The following ANKRD36C variants were observed in gnomAD, a reference collection of about 807,000 sequenced individuals.
The protein encoded by ANKRD36C is ankyrin repeat domain 36C, also known as ankyrin repeat domain-containing protein 36C.
In ANKRD36C, 61 loss-of-function variants were observed where a neutral mutation model predicts 276.4. That is an observed-to-expected ratio of 0.22 (90% CI 0.18 to 0.27). ANKRD36C has a LOEUF of 0.27. Among genes scored for constraint, ANKRD36C ranks in the 10% least tolerant of loss-of-function variants. The pLI is 1.00. For missense variants in ANKRD36C, 1,447 were observed against 2,032.3 expected, an observed-to-expected ratio of 0.71 and a Z score of 5.54; for synonymous variants, 483 against 680.1, an observed-to-expected ratio of 0.71 and a Z score of 4.51.
At chr2:95,869,273 C>G (rs1403893438) in intron 59 of ANKRD36C, among the ~76,000 whole-genome samples, 1 of 151,864 alleles carries the variant, frequency 6.6e-6, no homozygotes, top group Non-Finnish European at 1.5e-5. Flanking sequence ...AAAACATAAA[C>G]CATGAAACTT....
At chr2:95,897,499 T>C (rs1275454165) in intron 44 of ANKRD36C, 34 bp from the exon 59 acceptor site, 2 of 1,521,028 alleles carry the variant, frequency 1.3e-6, no homozygotes, top group East Asian at 2.5e-5. Flanking sequence ...ATCACTCATA[T>C]GTAAAAATGA....
chr2:95,964,977 T>G (rs547362369), intron 6 of ANKRD36C, among the ~76,000 whole-genome samples: 2 of 151,834 alleles, frequency 1.3e-5, no homozygotes, highest in East Asian at 3.9e-4. Flanking sequence ...TGACACTGCC[T>G]CTCCTCAATG....
At chr2:95,913,328 T>C (rs1215905924) in intron 40 of ANKRD36C, among the ~76,000 whole-genome samples, 1 of 151,148 alleles carries the variant, frequency 6.6e-6, no homozygotes, top group Non-Finnish European at 1.5e-5. Flanking sequence ...AGAAGTTTCA[T>C]TAAATAGCTA....
At chr2:95,987,793 T>C (rs1046202564) in intron 1 of ANKRD36C, among the ~76,000 whole-genome samples, 54 of 152,162 alleles carry the variant, frequency 3.5e-4, no homozygotes, top group Admixed American at 1.1e-3. Context: ...GGCTAATTTT[T>C]ACAAAGACAT....
rs1049558531 is a variant in ANKRD36C, at chr2:95,909,951, G to A, written c.2653+2293C>T. 4.4e-4 allele frequency among the ~76,000 whole-genome samples: 67 copies of A among 150,948 alleles called. 1 individual carries two copies. Among genetic ancestry groups the A allele is most frequent in the Non-Finnish European group, 5.0e-4 (34 of 67,448 alleles). ...TTGGGAAAATGATTGCTACACCAGG[G>A]GCCTCCTTAGTTCTCCTACAGTGTG... On this transcript the variant is annotated intron_variant, in intron 42 of 66. Coordinates refer to ENST00000456556, the Ensembl canonical transcript of ANKRD36C.
rs1235068549 is a variant in ANKRD36C at position 95,884,113 on chromosome 2, G to T, written c.3265+60C>A. 10 of 1,527,754 alleles carry T rather than the reference G, an allele frequency of 6.5e-6. No homozygotes were observed. In the East Asian group the frequency reaches 1.9e-4, roughly 29 times the overall value. 94.6% of individuals were successfully genotyped at this position (1,527,754 alleles called of 1,614,324 possible). A position where few individuals can be genotyped will look rare whatever the true frequency, so the allele number is the denominator to read the frequency against. On this transcript the variant is annotated intron_variant, in intron 54 of 66. Coordinates refer to ENST00000456556, the Ensembl canonical transcript of ANKRD36C. ...ACGAGCCCTCCGTTGATTTATTTGG[G>T]AAGAGAAGTTCTTTTCTATCTGGAC...
intron 62 of ANKRD36C, among the ~76,000 whole-genome samples, chr2:95,857,006 C>T (rs76598563): frequency 1.8e-4 from 27 of 152,080 alleles, no homozygotes; most frequent in South Asian, 6.2e-4. Flanking sequence ...CCATAACATT[C>T]GAAATGTAAT....
chr2:95,888,119 C>A, exon 49 of ANKRD36C: 4 of 1,608,746 alleles, frequency 2.5e-6, no homozygotes, highest in Non-Finnish European at 3.4e-6. Context: ...TCTGAGAAGA[C>A]ACTGAAAAGC....
At chr2:95,977,297 C>T (rs1451323159) in intron 6 of ANKRD36C, among the ~76,000 whole-genome samples, 1 of 152,082 alleles carries the variant, frequency 6.6e-6, no homozygotes, top group Non-Finnish European at 1.5e-5. Context: ...CTCTTTTCTG[C>T]TTCTGCTTTA....
chr2:95,894,210 T>G (rs924808490), intron 44 of ANKRD36C: 1 of 196,870 alleles, frequency 5.1e-6, no homozygotes, highest in South Asian at 9.3e-5. Flanking sequence ...CAGTTAAACT[T>G]ACACTTCACA....
At chr2:95,977,839 C>T (rs763110790) in intron 6 of ANKRD36C, among the ~76,000 whole-genome samples, 1 of 151,938 alleles carries the variant, frequency 6.6e-6, no homozygotes, top group Non-Finnish European at 1.5e-5. Flanking sequence ...TAAAAAAATA[C>T]AACATAATAA....
At chr2:95,915,004 C>A (rs756674412) in intron 38 of ANKRD36C, among the ~76,000 whole-genome samples, 18 of 150,866 alleles carry the variant, frequency 1.2e-4, no homozygotes, top group African/African-American at 2.4e-4. Context: ...AAATATCATC[C>A]ATTATCAATT....
downstream of ANKRD36C, among the ~76,000 whole-genome samples, chr2:95,850,307 A>G (rs1043980024): frequency 2.0e-5 from 3 of 152,264 alleles, no homozygotes; most frequent in Non-Finnish European, 4.4e-5. Context: ...GTATGCTATA[A>G]TCTGAAAAAA....
Position 95,912,436 on chromosome 2 carries a change from C to T in ANKRD36C, c.2552-1G>A. ...AAGGCTGGTTTTTTCCGAGAAGACACTGAAAAGCAAAAGGGATACATAATC... is the reference window on the plus strand; with the variant it reads ...AAGGCTGGTTTTTTCCGAGAAGACATTGAAAAGCAAAAGGGATACATAATC... On this transcript the variant is annotated splice_acceptor_variant, in intron 40 of 66. Transcript: ENST00000456556. LOFTEE classifies it high-confidence loss of function. 6.2e-7 allele frequency: 1 copy of T among 1,605,152 alleles called. No individual in the cohort carries two copies. Among genetic ancestry groups the T allele is most frequent in the Non-Finnish European group, 8.5e-7 (1 of 1,177,786 alleles).
intron 26 of ANKRD36C, among the ~76,000 whole-genome samples, chr2:95,928,649 C>G (rs1307762688): frequency 2.0e-5 from 3 of 151,518 alleles, no homozygotes; most frequent in African/African-American, 7.3e-5. Context: ...CAGTGGTCTT[C>G]TTAGCTCTCA....
intron 44 of ANKRD36C, 50 bp from the exon 61 acceptor site, chr2:95,895,640 T>C (rs1238031349): frequency 1.3e-6 from 2 of 1,565,626 alleles, no homozygotes; most frequent in African/African-American, 1.4e-5. Context: ...TATGATAAAG[T>C]TATCCATACA....
chr2:95,916,288 A>T (rs558792544), intron 36 of ANKRD36C, 117 bp from the exon 39 acceptor site: 1 of 1,521,280 alleles, frequency 6.6e-7, no homozygotes, highest in East Asian at 2.4e-5. Context: ...GGAGGCTTTG[A>T]TGGCTTCTAC....
intron 14 of ANKRD36C, among the ~76,000 whole-genome samples, chr2:95,952,689 C>G (rs112543257): frequency 4.1e-4 from 62 of 149,504 alleles, no homozygotes; most frequent in African/African-American, 1.5e-3. Context: ...TCAACTTATA[C>G]ATTCTCAACA....
At chr2:95,869,942 T>C (rs1307384552) in intron 59 of ANKRD36C, among the ~76,000 whole-genome samples, 1 of 152,190 alleles carries the variant, frequency 6.6e-6, no homozygotes, top group African/African-American at 2.4e-5. Context: ...AACTGCAAGG[T>C]GGCAGTGAGG....
Sources: gnomAD v4.1 joint callset for allele counts (sites outside exome capture counted in the v4.1 genomes callset) on GRCh38, gnomAD v4.1.1 for gene constraint, MANE v1.5 for transcripts, NCBI Gene and HGNC (gene_info 2026-07-23, HGNC 2026-07-21) for gene names.